Variants in FANCA observed in about 807,000 individuals in gnomAD.
The protein encoded by FANCA is FA complementation group A, also known as Fanconi anemia group A protein.
FANCA carries 236 observed loss-of-function variants against 194.3 expected under a neutral mutation model. The ratio of observed to expected loss-of-function variants is 1.21; its 90% CI spans 1.09 to 1.35. The LOEUF is 1.35. Ranked by LOEUF, FANCA falls within the 40% of genes most tolerant of loss-of-function variation. The probability of loss-of-function intolerance (pLI) is 0.00; values close to 1 mark genes in which losing one functional copy is unlikely to be tolerated. For missense variants in FANCA, 2,628 were observed against 1,813.9 expected (o/e 1.45, Z -8.15); for synonymous variants, 1,014 against 715.8 (o/e 1.42, Z -6.65).
At chr16:89,770,286 G>C in intron 24 of FANCA, 27 bp from the exon 25 acceptor site, 1 of 1,540,550 alleles carries the variant, frequency 6.5e-7, no homozygotes, top group Non-Finnish European at 8.8e-7. Context: ...GAAACCATCA[G>C]TACTAGCCAT....
chr16:89,776,328 C>T (rs1329939437), intron 20 of FANCA, among the ~76,000 whole-genome samples: 1 of 151,118 alleles, frequency 6.6e-6, no homozygotes, highest in Non-Finnish European at 1.5e-5. Flanking sequence ...CCACCAGGCC[C>T]AGCTAATTTT....
At chr16:89,753,915 C>A (rs147511590) in intron 30 of FANCA, among the ~76,000 whole-genome samples, 1 of 152,108 alleles carries the variant, frequency 6.6e-6, no homozygotes, top group Non-Finnish European at 1.5e-5. Context: ...ATTAGACGGG[C>A]GTGTTAGCGG....
intron 37 of FANCA, among the ~76,000 whole-genome samples, chr16:89,741,587 T>A (rs1598059811): frequency 6.6e-6 from 1 of 152,302 alleles, no homozygotes; most frequent in Admixed American, 6.5e-5. Flanking sequence ...TGTGTGGGTG[T>A]CACTGGTCTT....
At chr16:89,770,752 A>C in intron 23 of FANCA, 118 bp from the exon 24 acceptor site, 2 of 879,514 alleles carry the variant, frequency 2.3e-6, no homozygotes, top group Non-Finnish European at 3.7e-6. Flanking sequence ...GACCTCCAAA[A>C]CAGGCTTGTT....
At chr16:89,739,743 T>G in intron 39 of FANCA, 190 bp from the exon 40 acceptor site, 1 of 1,490,758 alleles carries the variant, frequency 6.7e-7, no homozygotes, top group South Asian at 1.3e-5. Context: ...GGTCGACCTC[T>G]TGCAGGAGGG....
rs531310475 is a variant in FANCA, at chr16:89,762,724, C to T, written c.2779-702G>A. On this transcript the variant is annotated intron_variant, in intron 28 of 42. Transcript: ENST00000389301. ...CGTAGCTCGCTGCAGACTCTGCCTC[C>T]TGAACTCCAGAATTCTCCCCCTCAG... 2.2e-5 allele frequency: 10 copies of T among 450,028 alleles called. No individual in the cohort carries two copies. The Admixed American group carries it at 2.4e-4, about 11-fold the overall frequency. 27.9% of individuals were successfully genotyped at this position (450,028 alleles called of 1,614,324 possible). A position where few individuals can be genotyped will look rare whatever the true frequency, so the allele number is the denominator to read the frequency against.
intron 27 of FANCA, 97 bp downstream of exon 27, chr16:89,767,044 G>C: frequency 1.0e-6 from 1 of 980,086 alleles, no homozygotes; most frequent in Non-Finnish European, 1.6e-6. Flanking sequence ...CCCTGAGATG[G>C]GCACAAAGCG....
chr16:89,799,374 G>C, intron 9 of FANCA, 142 bp from the exon 10 acceptor site: 1 of 1,033,886 alleles, frequency 9.7e-7, no homozygotes, highest in South Asian at 1.3e-5. Flanking sequence ...ACAATCTGTA[G>C]GCCTTAATCA....
Position 89,791,426 on chromosome 16 carries a change from G to T in FANCA, c.1336C>A (p.Leu446Met), listed in dbSNP as rs762365764. The change falls in exon 14 of 43, where the codon CTG (leucine) becomes ATG (methionine). Residue 446 changes from leucine to methionine, a missense_variant. By Grantham distance (15) the Leu-to-Met change is conservative. Coordinates refer to ENST00000389301, the MANE Select transcript of FANCA (RefSeq NM_000135.4). The stretch of plus-strand genomic sequence containing the variant: ...ACCTTGAACCAGTCTGCATATGACA[G>T]GAACGCAGAGGGGCCCTCCAGTGCT... Reference protein sequence around the residue: ...QAALEGPSAFLSYADWFKASF... With the variant: ...QAALEGPSAFMSYADWFKASF... 1 of 1,614,096 alleles carries T rather than the reference G, an allele frequency of 6.2e-7. No homozygotes were observed. The highest frequency in any genetic ancestry group is 1.1e-5 in the South Asian group (1 of 91,068).
chr16:89,792,009 C>A lies in FANCA; in HGVS notation c.1143G>T (p.Thr381=), dbSNP rs1800331. The A allele has an allele frequency of 0.077, 124,550 of 1,614,114 alleles. 5,724 individuals are homozygous for A. Among genetic ancestry groups the A allele is most frequent in the East Asian group, 0.16 (7,321 of 44,878 alleles). The part of the protein sequence containing the change: ...LVGHLQEVLE[T]QEVHWQRVLS... ...GCACTCTCTGCCAGTGAACCTCCTGCGTTTCCAGAACTTCTTGCAAATGGC... is the reference window on the plus strand; with the variant it reads ...GCACTCTCTGCCAGTGAACCTCCTGAGTTTCCAGAACTTCTTGCAAATGGC... The change falls in exon 13 of 43, where the codon ACG becomes ACT. Residue 381 remains threonine (T), a synonymous_variant. Coordinates refer to ENST00000389301, the MANE Select transcript of FANCA (RefSeq NM_000135.4).
chr16:89,815,925 A>T lies in FANCA; in HGVS notation c.141T>A (p.Ala47=). The T allele has an allele frequency of 1.2e-6, 2 of 1,614,164 alleles. No individual in the cohort carries two copies. The highest frequency in any genetic ancestry group is 1.7e-6 in the Non-Finnish European group (2 of 1,179,994). Residue 47 remains alanine (A), a synonymous_variant, in exon 2 of 43, where the codon GCT becomes GCA. Coordinates refer to ENST00000389301, the MANE Select transcript of FANCA (RefSeq NM_000135.4). The part of the protein sequence containing the change: ...PERAQKLKES[A]VRLLRSHQDL... ...CCTGATGGCTTCGCAGGAGGCGCAC[A>T]GCTGATTCCTTTAATTTCTGTGCCC...
chr16:89,777,979 T>A (rs2143413597), intron 20 of FANCA, among the ~76,000 whole-genome samples: 1 of 152,042 alleles, frequency 6.6e-6, no homozygotes. Flanking sequence ...CTGACTAACA[T>A]GGTGAAACCC....
chr16:89,742,961 A>C (rs372190572), intron 36 of FANCA, 23 bp from the exon 37 acceptor site: 23 of 1,612,210 alleles, frequency 1.4e-5, no homozygotes, highest in Non-Finnish European at 1.8e-5. Flanking sequence ...GAACGGGGTC[A>C]TTGCAGGGCC....
intron 37 of FANCA, among the ~76,000 whole-genome samples, chr16:89,741,234 C>A (rs189343012): frequency 6.6e-5 from 10 of 152,356 alleles, no homozygotes; most frequent in Admixed American, 2.0e-4. Context: ...CCCACAGGCT[C>A]CAGCCTAAAG....
intron 6 of FANCA, among the ~76,000 whole-genome samples, chr16:89,807,783 T>C (rs549317141): frequency 1.3e-5 from 2 of 151,994 alleles, no homozygotes; most frequent in African/African-American, 4.8e-5. Flanking sequence ...CTCGGGAAGC[T>C]GAGGCAGGAG....
intron 6 of FANCA, among the ~76,000 whole-genome samples, chr16:89,806,615 AT>A (rs1484283863): frequency 6.6e-6 from 1 of 152,078 alleles, no homozygotes; most frequent in Admixed American, 6.6e-5. Flanking sequence ...CCCTTAATCC[AT>A]TTAACCCTGA....
At chr16:89,752,865 TAGC>T in intron 30 of FANCA, among the ~76,000 whole-genome samples, 1 of 152,188 alleles carries the variant, frequency 6.6e-6, no homozygotes, top group East Asian at 1.9e-4. Context: ...ACCCACTACT[TAGC>T]AGACCGGGAA....
At chr16:89,745,979 C>T (rs974767324) in intron 35 of FANCA, among the ~76,000 whole-genome samples, 2 of 152,170 alleles carry the variant, frequency 1.3e-5, no homozygotes, top group African/African-American at 2.4e-5. Context: ...GGGAACATGC[C>T]GTGCTGCGGA....
rs368828271 is a variant in FANCA at position 89,815,897 on chromosome 16, G to A, written c.169C>T (p.Leu57=). The A allele has an allele frequency of 2.5e-6, 4 of 1,613,896 alleles. No individual in the cohort carries two copies. The highest frequency in any genetic ancestry group is 1.7e-6 in the Non-Finnish European group (2 of 1,179,784). ...AVRLLRSHQD[L]NALLLEVEGP... ...CTTACCTCAAGCAAAAGGGCATTCAGGTCCTGATGGCTTCGCAGGAGGCGC... is the reference window on the plus strand; with the variant it reads ...CTTACCTCAAGCAAAAGGGCATTCAAGTCCTGATGGCTTCGCAGGAGGCGC... Residue 57 remains leucine (L), a synonymous_variant, in exon 2 of 43, where the codon CTG becomes TTG. Transcript: ENST00000389301.
Sources: allele counts gnomAD v4.1 joint callset (sites outside exome capture counted in the v4.1 genomes callset), GRCh38; gene constraint gnomAD v4.1.1; transcripts MANE v1.5; gene names NCBI Gene and HGNC (gene_info 2026-07-23, HGNC 2026-07-21).